ITPR2: variants seen among roughly 807,000 people sequenced by gnomAD.
The protein encoded by ITPR2 is inositol 1,4,5-trisphosphate-gated calcium channel ITPR2.
A neutral mutation model predicts 317.1 loss-of-function variants in ITPR2; 207 were observed. That is an observed-to-expected ratio of 0.65 (90% CI 0.58 to 0.73). The LOEUF is 0.73. Ranked by LOEUF, ITPR2 falls within the 30% of genes least tolerant of loss-of-function variation. ITPR2 has a pLI of 0.00. For synonymous variants in ITPR2, 1,156 were observed against 1,149.1 expected, an observed-to-expected ratio of 1.01 and a Z score of -0.12; for missense variants, 2,613 against 3,284.0, an observed-to-expected ratio of 0.80 and a Z score of 4.99.
At position 26,691,111 on chromosome 12, in the gene ITPR2, T is replaced by A. The variant is rs962081432; in HGVS notation, c.997-4479A>T. Among the ~76,000 whole-genome samples the A allele has an allele frequency of 3.9e-5, 6 of 152,214 alleles. No homozygotes were observed. In the South Asian group the frequency reaches 1.0e-3, roughly 26 times the overall value. On this transcript the variant is annotated intron_variant, in intron 10 of 56. Coordinates refer to ENST00000381340, the MANE Select transcript of ITPR2 (RefSeq NM_002223.4). The stretch of plus-strand genomic sequence containing the variant: ...CTTAATAAACTCTCTTGGTAGACAG[T>A]CTGACAGTAAACTTCAAGCCCACTC...
chr12:26,770,784 T>A (rs1438353877), intron 2 of ITPR2, among the ~76,000 whole-genome samples: 1 of 152,214 alleles, frequency 6.6e-6, no homozygotes, highest in Non-Finnish European at 1.5e-5. Context: ...ATTAGTTTCC[T>A]GTGACTGCTA....
chr12:26,671,596 T>G (rs549545694), intron 13 of ITPR2, among the ~76,000 whole-genome samples: 1 of 152,012 alleles, frequency 6.6e-6, no homozygotes, highest in Non-Finnish European at 1.5e-5. Flanking sequence ...TGCAAAATCA[T>G]GTCAAAATGT....
rs757314366 is a variant in ITPR2 at position 26,483,854 on chromosome 12, G to A, written c.5856C>T (p.Val1952=). 3.7e-6 allele frequency: 6 copies of A among 1,614,206 alleles called. No homozygotes were observed. Among genetic ancestry groups the A allele is most frequent in the Non-Finnish European group, 3.4e-6 (4 of 1,180,024 alleles). Residue 1952 remains valine (V), a synonymous_variant, in exon 42 of 57, where the codon GTC becomes GTT. Transcript: ENST00000381340. The part of the protein sequence containing the change: ...NQNNKTNYNL[V]CETLQFLDCI... Reference sequence around the variant, plus strand: ...AGTCCAGAAACTGAAGGGTCTCACAGACTAGGTTGTAATTTGTTTTGTTGT... The same window carrying A: ...AGTCCAGAAACTGAAGGGTCTCACAAACTAGGTTGTAATTTGTTTTGTTGT...
At chr12:26,480,311 C>T (rs543217368) in intron 43 of ITPR2, among the ~76,000 whole-genome samples, 1 of 152,202 alleles carries the variant, frequency 6.6e-6, no homozygotes, top group South Asian at 2.1e-4. Context: ...GTGCACAAGG[C>T]TTAAACTAAA....
intron 13 of ITPR2, among the ~76,000 whole-genome samples, chr12:26,679,171 T>A (rs1038631666): frequency 2.6e-5 from 4 of 152,202 alleles, no homozygotes; most frequent in African/African-American, 9.6e-5. Flanking sequence ...CGGCCTTTAT[T>A]CATTTCCCCT....
At chr12:26,470,317 C>A (rs1054816884) in intron 45 of ITPR2, among the ~76,000 whole-genome samples, 2 of 151,846 alleles carry the variant, frequency 1.3e-5, no homozygotes, top group Non-Finnish European at 2.9e-5. Context: ...AAACTGAATT[C>A]ATTACACACC....
chr12:26,613,319 A>G (rs1946312801), intron 26 of ITPR2, among the ~76,000 whole-genome samples: 1 of 152,224 alleles, frequency 6.6e-6, no homozygotes, highest in African/African-American at 2.4e-5. Context: ...CTCAAAACAA[A>G]GAGCTGTCTC....
intron 48 of ITPR2, among the ~76,000 whole-genome samples, chr12:26,428,712 C>T (rs756253042): frequency 1.1e-4 from 16 of 152,122 alleles, no homozygotes; most frequent in Non-Finnish European, 2.1e-4. Flanking sequence ...TCTTAAAAAA[C>T]GAACTCTGTT....
rs751495115 is a variant in ITPR2, at chr12:26,654,101, A to T, written c.2615T>A (p.Ile872Lys). 3 of 1,473,608 alleles carry T rather than the reference A, an allele frequency of 2.0e-6. No individual in the cohort carries two copies. The highest frequency in any genetic ancestry group is 2.8e-6 in the Non-Finnish European group (3 of 1,089,336). The allele number at this position is 1,473,608 out of a possible 1,614,324, so 91.3% of individuals were successfully genotyped here. A position where few individuals can be genotyped will look rare whatever the true frequency, so the allele number is the denominator to read the frequency against. The change falls in exon 21 of 57, where the codon ATA becomes AAA. Residue 872 changes from isoleucine to lysine, a missense_variant. By Grantham distance (102) the Ile-to-Lys change is moderately radical (BLOSUM62 -3). This residue lies in a region of ITPR2 where 817 missense variants were observed against 897.6 expected (regional missense o/e 0.91). Transcript: ENST00000381340. The stretch of plus-strand genomic sequence containing the variant: ...ACTGAAACTATAAAATCCAAAGTAT[A>T]TAAGATTCCGAGCCAAGTGGACCAC... ...FEVVHLARNL[I>K]YFGFYSFSEL... is the part of the protein sequence containing the mutation.
chr12:26,560,743 A>C (rs1944794679), intron 35 of ITPR2, among the ~76,000 whole-genome samples: 2 of 152,306 alleles, frequency 1.3e-5, no homozygotes, highest in South Asian at 4.1e-4. Context: ...CAAAATTTTT[A>C]ATGTCTCACA....
chr12:26,340,460 G>C, intron 55 of ITPR2, 132 bp from the exon 56 acceptor site: 1 of 922,544 alleles, frequency 1.1e-6, no homozygotes, highest in Non-Finnish European at 1.5e-6. Flanking sequence ...ACCTGGCATA[G>C]GGAGGGGCTG....
At chr12:26,743,538 G>A (rs1949270810) in intron 2 of ITPR2, among the ~76,000 whole-genome samples, 2 of 152,156 alleles carry the variant, frequency 1.3e-5, no homozygotes, top group Non-Finnish European at 2.9e-5. Flanking sequence ...CTAGAACCAA[G>A]TTTAGAACAT....
chr12:26,530,903 A>G (rs1943927186), intron 37 of ITPR2, among the ~76,000 whole-genome samples: 1 of 152,242 alleles, frequency 6.6e-6, no homozygotes, highest in Non-Finnish European at 1.5e-5. Context: ...AGGTGACAAT[A>G]GATAAAAGCC....
chr12:26,691,845 T>C (rs11834035), intron 10 of ITPR2, among the ~76,000 whole-genome samples: 2,565 of 152,106 alleles, frequency 0.017, 78 homozygotes, highest in African/African-American at 0.058. Context: ...CATAACGATG[T>C]GCATGCACGT....
chr12:26,447,970 T>A (rs1254787447), intron 45 of ITPR2, among the ~76,000 whole-genome samples: 4 of 148,032 alleles, frequency 2.7e-5, no homozygotes, highest in African/African-American at 1.0e-4. Context: ...CACAGTTTTA[T>A]ATGCCATGTA....
At chr12:26,341,917 T>C (rs1205360872) in intron 55 of ITPR2, among the ~76,000 whole-genome samples, 1 of 152,226 alleles carries the variant, frequency 6.6e-6, no homozygotes, top group Non-Finnish European at 1.5e-5. Flanking sequence ...TGTGTGGTTC[T>C]AATATCATTA....
intron 45 of ITPR2, among the ~76,000 whole-genome samples, chr12:26,444,045 CTG>C (rs1941551625): frequency 6.6e-6 from 1 of 152,078 alleles, no homozygotes; most frequent in Non-Finnish European, 1.5e-5. Context: ...AAATAGGTAT[CTG>C]TATTTCAGAA....
At chr12:26,385,621 T>C (rs534502349) in intron 55 of ITPR2, among the ~76,000 whole-genome samples, 11 of 152,314 alleles carry the variant, frequency 7.2e-5, no homozygotes, top group African/African-American at 2.2e-4. Flanking sequence ...CAATCTACAG[T>C]TCCTGTCAGA....
At chr12:26,520,239 A>T (rs1943628684) in intron 37 of ITPR2, among the ~76,000 whole-genome samples, 2 of 152,264 alleles carry the variant, frequency 1.3e-5, no homozygotes, top group Middle Eastern at 3.4e-3. Flanking sequence ...TATGGATCAC[A>T]TTTCTACTTT....
Sources: gnomAD v4.1 joint callset for allele counts (sites outside exome capture counted in the v4.1 genomes callset) on GRCh38, gnomAD v4.1.1 for gene constraint, gnomAD v4.1.1 regional missense constraint, MANE v1.5 for transcripts, NCBI Gene and HGNC (gene_info 2026-07-23, HGNC 2026-07-21) for gene names.